NLGN4X: variants seen among roughly 807,000 people sequenced by gnomAD.
NLGN4X encodes neuroligin-4, X-linked.
NLGN4X carries 3 observed loss-of-function variants against 40.3 expected under a neutral mutation model. The ratio of observed to expected loss-of-function variants is 0.07; its 90% CI spans 0.03 to 0.19. The LOEUF is 0.19. NLGN4X is among the 10% of genes least tolerant of loss of function. NLGN4X has a pLI of 1.00. For synonymous variants in NLGN4X, 270 were observed against 306.8 expected, an observed-to-expected ratio of 0.88 and a Z score of 1.25; for missense variants, 382 against 708.3, an observed-to-expected ratio of 0.54 and a Z score of 5.23.
rs75093964 is a variant in NLGN4X, at chrX:6,200,497, G to T, written c.-306+28044C>A. On this transcript the variant is annotated intron_variant, in intron 1 of 5. Coordinates refer to ENST00000381095, the MANE Select transcript of NLGN4X (RefSeq NM_181332.3). ...GCAAGAGGCTTACTGTATAAAAGTG[G>T]AATAGGTCAGTGAAAGGAATTTGGG... 2.9e-4 allele frequency among the ~76,000 whole-genome samples: 32 copies of T among 110,779 alleles called. No individual in the cohort carries two copies. The East Asian group carries it at 4.9e-3, about 17-fold the overall frequency.
chrX:6,084,831 A>C (rs1244890668), intron 2 of NLGN4X, among the ~76,000 whole-genome samples: 1 of 110,769 alleles, frequency 9.0e-6, no homozygotes, highest in Non-Finnish European at 1.9e-5. Flanking sequence ...TTGCCAGATC[A>C]TGGTGCCTTG....
At chrX:6,037,529 T>C (rs1331308391) in intron 2 of NLGN4X, among the ~76,000 whole-genome samples, 1 of 110,969 alleles carries the variant, frequency 9.0e-6, no homozygotes, top group East Asian at 2.8e-4. Flanking sequence ...AATGTGATCT[T>C]ATCTAAGCAA....
intron 3 of NLGN4X, among the ~76,000 whole-genome samples, chrX:5,994,881 A>G (rs2035777222): frequency 8.9e-6 from 1 of 112,313 alleles, no homozygotes; most frequent in Admixed American, 9.4e-5. Flanking sequence ...TAACTTGACT[A>G]CCTTAATCCT....
chrX:6,083,868 G>A (rs1231833388), intron 2 of NLGN4X, among the ~76,000 whole-genome samples: 1 of 111,607 alleles, frequency 9.0e-6, no homozygotes, highest in Admixed American at 9.5e-5. Flanking sequence ...TTCTAATAGG[G>A]GCTAAAATTA....
intron 2 of NLGN4X, among the ~76,000 whole-genome samples, chrX:6,074,504 C>T (rs1666124657): frequency 9.0e-6 from 1 of 111,717 alleles, no homozygotes; most frequent in African/African-American, 3.3e-5. Flanking sequence ...GTTCTTCATC[C>T]AACTGCCAGG....
At chrX:5,964,638 C>T (rs1361837072) in intron 3 of NLGN4X, among the ~76,000 whole-genome samples, 1 of 110,620 alleles carries the variant, frequency 9.0e-6, no homozygotes, top group Non-Finnish European at 1.9e-5. Flanking sequence ...TCTCGAGCAG[C>T]TGTGACTATA....
intron 3 of NLGN4X, among the ~76,000 whole-genome samples, chrX:5,916,233 G>A (rs2032789555): frequency 8.9e-6 from 1 of 111,795 alleles, no homozygotes; most frequent in Non-Finnish European, 1.9e-5. Flanking sequence ...AATTCACACG[G>A]ATTGTAATTT....
intron 2 of NLGN4X, among the ~76,000 whole-genome samples, chrX:6,074,074 AC>A (rs750677034): frequency 3.6e-5 from 4 of 109,991 alleles, no homozygotes; most frequent in African/African-American, 1.3e-4. Flanking sequence ...GAATCACAAG[AC>A]CCCCCCAAAG....
At chrX:6,204,158 T>C (rs944513055) in intron 1 of NLGN4X, among the ~76,000 whole-genome samples, 1 of 112,412 alleles carries the variant, frequency 8.9e-6, no homozygotes, top group Admixed American at 9.5e-5. Flanking sequence ...AGATGTTGTA[T>C]GCATGGTTTC....
chrX:5,925,879 C>T (rs56058716), intron 3 of NLGN4X, among the ~76,000 whole-genome samples: 48 of 46,778 alleles, frequency 1.0e-3, no homozygotes, highest in Non-Finnish European at 1.2e-3. Flanking sequence ...TATACATACA[C>T]ACATATATAT....
At chrX:6,045,472 T>TA (rs892025912) in intron 2 of NLGN4X, among the ~76,000 whole-genome samples, 7 of 110,658 alleles carry the variant, frequency 6.3e-5, no homozygotes, top group East Asian at 2.8e-4. Context: ...AATATTAAAT[T>TA]AAAAAAAAAC....
chrX:6,157,972 A>AT (rs2040307369), intron 1 of NLGN4X, among the ~76,000 whole-genome samples: 1 of 112,053 alleles, frequency 8.9e-6, no homozygotes, highest in Admixed American at 9.5e-5. Context: ...CCTGTGATGC[A>AT]TTTTTTCTTC....
intron 3 of NLGN4X, among the ~76,000 whole-genome samples, chrX:5,969,059 C>T (rs1449626496): frequency 1.8e-5 from 2 of 111,089 alleles, no homozygotes; most frequent in African/African-American, 3.3e-5. Flanking sequence ...AGACCTAAAA[C>T]CATAAAAACC....
intron 2 of NLGN4X, among the ~76,000 whole-genome samples, chrX:6,134,444 C>G (rs2039766268): frequency 9.0e-6 from 1 of 111,411 alleles, no homozygotes; most frequent in South Asian, 3.8e-4. Flanking sequence ...CATGCTTCTC[C>G]CAGATGTTCT....
intron 3 of NLGN4X, among the ~76,000 whole-genome samples, chrX:5,951,349 C>T (rs956298081): frequency 3.6e-5 from 4 of 111,301 alleles, no homozygotes; most frequent in African/African-American, 6.5e-5. Flanking sequence ...GTCAGATGAA[C>T]TAAAAAGAAT....
chrX:5,997,132 G>A (rs995312865), intron 3 of NLGN4X, among the ~76,000 whole-genome samples: 1 of 108,951 alleles, frequency 9.2e-6, no homozygotes, highest in Non-Finnish European at 1.9e-5. Flanking sequence ...TTTTTTGGGG[G>A]TGGGGTTGGA....
chrX:6,054,881 C>T (rs756449628), intron 2 of NLGN4X, among the ~76,000 whole-genome samples: 1 of 111,937 alleles, frequency 8.9e-6, no homozygotes, highest in Non-Finnish European at 1.9e-5. Context: ...TAGTCTCGAA[C>T]TCCTGACCTC....
At chrX:5,970,226 T>C (rs139292411) in intron 3 of NLGN4X, among the ~76,000 whole-genome samples, 7,332 of 109,152 alleles carry the variant, frequency 0.067, 627 homozygotes, top group African/African-American at 0.23. Context: ...AAAAAGGAGA[T>C]AACCTAATGT....
At chrX:6,126,863 T>G (rs2039560403) in intron 2 of NLGN4X, among the ~76,000 whole-genome samples, 2 of 112,363 alleles carry the variant, frequency 1.8e-5, no homozygotes, top group Non-Finnish European at 3.8e-5. Flanking sequence ...TATGGGCATT[T>G]GTACTATTTG....
Sources: allele counts gnomAD v4.1 joint callset (sites outside exome capture counted in the v4.1 genomes callset), GRCh38; gene constraint gnomAD v4.1.1; transcripts MANE v1.5; gene names NCBI Gene and HGNC (gene_info 2026-07-23, HGNC 2026-07-21).